Variants in WNK1 observed in about 807,000 individuals in gnomAD.
WNK1 encodes the protein WNK lysine deficient protein kinase 1, also known as serine/threonine-protein kinase WNK1.
Under a neutral mutation model 222.8 loss-of-function variants are expected in WNK1, and 38 were observed. The ratio of observed to expected loss-of-function variants is 0.17; its 90% confidence interval spans 0.13 to 0.22. WNK1 has a LOEUF of 0.22. Ranked by LOEUF, WNK1 falls within the 10% of genes least tolerant of loss-of-function variation. The pLI is 1.00. For missense variants in WNK1, 2,348 were observed against 2,918.4 expected (o/e 0.80, Z 4.50); for synonymous variants, 1,090 against 1,092.9 (o/e 1.00, Z 0.05).
intron 26 of WNK1, among the ~76,000 whole-genome samples, chr12:907,219 G>A (rs1955784643): frequency 6.6e-6 from 1 of 151,480 alleles, no homozygotes; most frequent in Non-Finnish European, 1.5e-5. Flanking sequence ...TACTCTGGAG[G>A]CTGAGACAGG....
At chr12:795,318 G>A (rs1291075086) in intron 1 of WNK1, among the ~76,000 whole-genome samples, 1 of 136,000 alleles carries the variant, frequency 7.4e-6, no homozygotes, top group Non-Finnish European at 1.6e-5. Context: ...TTTTTCTTGA[G>A]TCAGTTTCTG....
chr12:838,721 T>C (rs1949394062), intron 4 of WNK1, among the ~76,000 whole-genome samples: 1 of 152,110 alleles, frequency 6.6e-6, no homozygotes, highest in African/African-American at 2.4e-5. Flanking sequence ...AGCCTGTGTC[T>C]TCTGTTCTTA....
intron 1 of WNK1, among the ~76,000 whole-genome samples, chr12:800,501 T>A (rs552390322): frequency 2.0e-5 from 3 of 152,344 alleles, no homozygotes; most frequent in East Asian, 1.9e-4. Context: ...TTTACCATTT[T>A]AAAAAGTATA....
chr12:866,394 C>T (rs1267560743), intron 8 of WNK1, among the ~76,000 whole-genome samples: 1 of 152,166 alleles, frequency 6.6e-6, no homozygotes, highest in Non-Finnish European at 1.5e-5. Context: ...GATGGAATCT[C>T]GCTCTGTCGC....
intron 5 of WNK1, 68 bp downstream of exon 5, chr12:857,317 A>G (rs1565528138): frequency 2.3e-6 from 3 of 1,311,272 alleles, no homozygotes; most frequent in Admixed American, 1.7e-5. Flanking sequence ...TTTGAGTACA[A>G]CACACATTCT....
chr12:791,549 G>A (rs1309495114), intron 1 of WNK1, among the ~76,000 whole-genome samples: 2 of 120,022 alleles, frequency 1.7e-5, no homozygotes, highest in African/African-American at 5.6e-5. Flanking sequence ...TTCTTTGAGA[G>A]AGCTTCTTTT....
chr12:754,177 C>G lies in WNK1; in HGVS notation c.612C>G (p.Ile204Met). 1.2e-6 allele frequency: 2 copies of G among 1,613,488 alleles called. No homozygotes were observed. The highest frequency in any genetic ancestry group is 1.7e-6 in the Non-Finnish European group (2 of 1,180,036). ...AACGGAGCCAGCAGCAGGATGATAT[C>G]GAAGAGCTGGAGACCAAGGCCGTGG... ...QEERSQQQDD[I>M]EELETKAVGM... is the part of the protein sequence containing the mutation. Residue 204 changes from isoleucine to methionine, a missense_variant, in exon 1 of 28, where the codon ATC (isoleucine) becomes ATG (methionine). By Grantham distance (10) the Ile-to-Met change is conservative (BLOSUM62 1). Transcript: ENST00000315939.
chr12:903,528 T>C (rs1290178691), intron 26 of WNK1, among the ~76,000 whole-genome samples: 1 of 152,162 alleles, frequency 6.6e-6, no homozygotes, highest in Non-Finnish European at 1.5e-5. Flanking sequence ...GAACCAAAGC[T>C]TCTGTTTCTG....
chr12:868,291 A>T lies in WNK1; in HGVS notation c.2140-2974A>T, dbSNP rs12810329. On this transcript the variant is annotated intron_variant, in intron 8 of 27. Transcript: ENST00000315939. Reference sequence around the variant, plus strand: ...AGGAAGCAGTGTATGTAGCTGGGGTACATTACCAGGCCCGGGTGGCAGAAC... The same window carrying T: ...AGGAAGCAGTGTATGTAGCTGGGGTTCATTACCAGGCCCGGGTGGCAGAAC... 3.7e-6 allele frequency: 6 copies of T among 1,607,176 alleles called. No homozygotes were observed. In the Admixed American group the frequency reaches 1.0e-4, roughly 27 times the overall value.
rs780014209 is a variant in WNK1, at chr12:862,280, T to C, written c.2139+10T>C. 7.4e-6 allele frequency: 12 copies of C among 1,613,830 alleles called. No homozygotes were observed. The highest frequency in any genetic ancestry group is 1.0e-5 in the Non-Finnish European group (12 of 1,179,752). On this transcript the variant is annotated intron_variant, in intron 8 of 27. Coordinates refer to ENST00000315939, the MANE Select transcript of WNK1 (RefSeq NM_018979.4). ...TCCACCCTCAAGTGTGGTAAGTAAA[T>C]GCTTAAGAGCATGTAATACTACAAT...
chr12:774,842 A>G (rs539023147), intron 1 of WNK1, among the ~76,000 whole-genome samples: 1 of 152,222 alleles, frequency 6.6e-6, no homozygotes, highest in South Asian at 2.1e-4. Context: ...GTCTTTTGTT[A>G]TATTTTTGCC....
rs918832535 is a variant in WNK1, at chr12:871,410, T to C, written c.2223+62T>C. ...AGTGGCCAGAACACTATTTTAACTT[T>C]TGTGATTTGTTATATAAATGGCCTG... On this transcript the variant is annotated intron_variant, in intron 9 of 27. Transcript: ENST00000315939. The C allele has an allele frequency of 4.5e-6, 7 of 1,544,068 alleles. No individual in the cohort carries two copies. The African/African-American group carries it at 8.2e-5, about 18-fold the overall frequency.
chr12:765,496 T>C (rs1199716460), intron 1 of WNK1, among the ~76,000 whole-genome samples: 1 of 147,692 alleles, frequency 6.8e-6, no homozygotes, highest in East Asian at 1.9e-4. Context: ...GCAGTGAGGC[T>C]TGATCATGCC....
intron 4 of WNK1, among the ~76,000 whole-genome samples, chr12:844,158 G>T (rs1949842677): frequency 6.6e-6 from 1 of 151,488 alleles, no homozygotes; most frequent in South Asian, 2.1e-4. Context: ...TTGAGACGGG[G>T]TCTTGCTCTG....
rs550894182 is a variant in WNK1, at chr12:863,351, C to G, written c.2139+1081C>G. Among the ~76,000 whole-genome samples the G allele has an allele frequency of 9.7e-4, 148 of 152,116 alleles. 4 individuals are homozygous for G. In the South Asian group the frequency reaches 0.03, roughly 31 times the overall value. On this transcript the variant is annotated intron_variant, in intron 8 of 27. Coordinates refer to ENST00000315939, the MANE Select transcript of WNK1 (RefSeq NM_018979.4). ...CTCAAAATGAATGGCCACAGTAACA[C>G]AAATAAAAAACTAATATACTAACTT...
chr12:792,164 A>G (rs1024782197), intron 1 of WNK1, among the ~76,000 whole-genome samples: 2 of 152,326 alleles, frequency 1.3e-5, no homozygotes, highest in Non-Finnish European at 1.5e-5. Context: ...AAGAAGCCAC[A>G]TGAAATGAGA....
chr12:768,325 G>A (rs879870163), intron 1 of WNK1, among the ~76,000 whole-genome samples: 2 of 152,028 alleles, frequency 1.3e-5, no homozygotes, highest in South Asian at 2.1e-4. Context: ...TAGTAGAGAC[G>A]GGATTTCATC....
chr12:770,430 A>C (rs546375933), intron 1 of WNK1, among the ~76,000 whole-genome samples: 4 of 152,336 alleles, frequency 2.6e-5, no homozygotes, highest in African/African-American at 4.8e-5. Flanking sequence ...TTACATATTG[A>C]AATGATGATG....
At chr12:879,467 T>TTC in intron 10 of WNK1, 106 bp from the exon 11 acceptor site, 1 of 736,060 alleles carries the variant, frequency 1.4e-6, no homozygotes, top group Non-Finnish European at 2.1e-6. Flanking sequence ...TGTTTGTTTT[T>TTC]TCCTTCTTTT....
Sources: allele counts gnomAD v4.1 joint callset (sites outside exome capture counted in the v4.1 genomes callset), GRCh38; gene constraint gnomAD v4.1.1; transcripts MANE v1.5; gene names NCBI Gene and HGNC (gene_info 2026-07-23, HGNC 2026-07-21).